CCDC69: variants seen among roughly 807,000 people sequenced by gnomAD.
The protein encoded by CCDC69 is coiled-coil domain containing 69.
A neutral mutation model predicts 40.3 loss-of-function variants in CCDC69; 38 were observed. The observed-to-expected ratio is 0.94, with a 90% CI of 0.73 to 1.24. The LOEUF is 1.24. CCDC69 is among the 50% of genes most tolerant of loss of function. The probability of loss-of-function intolerance (pLI) is 0.00; values close to 1 mark genes in which losing one functional copy is unlikely to be tolerated. For missense variants in CCDC69, 389 were observed against 357.9 expected (o/e 1.09, Z -0.70); for synonymous variants, 141 against 138.9 (o/e 1.02, Z -0.11).
chr5:151,223,727 T>A (rs1753171111), intron 1 of CCDC69, among the ~76,000 whole-genome samples, 196 bp downstream of exon 1: 1 of 152,184 alleles, frequency 6.6e-6, no homozygotes, highest in Non-Finnish European at 1.5e-5. Flanking sequence ...TAAACTCGGC[T>A]GCTTGGTGCG....
At chr5:151,197,384 C>T (rs1300569228) in intron 4 of CCDC69, among the ~76,000 whole-genome samples, 1 of 152,044 alleles carries the variant, frequency 6.6e-6, no homozygotes, top group African/African-American at 2.4e-5. Context: ...TAAAAATTAG[C>T]TGGGCATGGT....
At chr5:151,191,099 A>T (rs1198728093) in intron 4 of CCDC69, among the ~76,000 whole-genome samples, 2 of 43,198 alleles carry the variant, frequency 4.6e-5, no homozygotes, top group Non-Finnish European at 6.2e-5. Context: ...GTTGAAATTA[A>T]AAAAAAAAAC....
chr5:151,187,304 G>T, intron 5 of CCDC69, 82 bp downstream of exon 5: 1 of 1,237,818 alleles, frequency 8.1e-7, no homozygotes. Context: ...AATCAGTTTT[G>T]GCTGCCTTGG....
chr5:151,201,661 T>A lies in CCDC69; in HGVS notation c.152A>T (p.Glu51Val). Reference sequence around the variant, plus strand: ...ATCCTTCTGGTGCCGCTCAGCCTCCTCTGATGCACAGAGCTGGACAGTTAT... The same window carrying A: ...ATCCTTCTGGTGCCGCTCAGCCTCCACTGATGCACAGAGCTGGACAGTTAT... ...TAITVQLCAS[E>V]EAERHQKDIT... The change falls in exon 3 of 9, where the codon GAG becomes GTG. Residue 51 changes from glutamate (E) to valine (V), a missense_variant. By Grantham distance (121) the Glu-to-Val change is moderately radical. Transcript: ENST00000355417. 1 of 1,613,240 alleles carries A rather than the reference T, an allele frequency of 6.2e-7. No homozygotes were observed. Among genetic ancestry groups the A allele is most frequent in the African/African-American group, 1.3e-5 (1 of 74,932 alleles).
chr5:151,198,959 C>T (rs1374015734), intron 4 of CCDC69, 38 bp downstream of exon 4: 2 of 1,535,974 alleles, frequency 1.3e-6, no homozygotes, highest in East Asian at 2.2e-5. Flanking sequence ...AGGAAGCACC[C>T]CCCACCACCT....
At chr5:151,211,271 G>C (rs1752943303) in intron 1 of CCDC69, 1 of 152,232 alleles carries the variant, frequency 6.6e-6, no homozygotes, top group Non-Finnish European at 1.5e-5. Context: ...CCATGTTCCA[G>C]GCACCCCTGA....
intron 3 of CCDC69, among the ~76,000 whole-genome samples, chr5:151,200,112 T>G (rs1752756104): frequency 6.6e-6 from 1 of 152,068 alleles, no homozygotes; most frequent in African/African-American, 2.4e-5. Context: ...CCATGTGATT[T>G]AATAGAGTGA....
rs773565942 is a variant in CCDC69, at chr5:151,201,563, T to TG, written c.231+18dup. ...AGCTGAGCAGGAGAAAGACAGGGGG[T>TG]GGGGGCACCTGGACTTACCTGTTGT... On this transcript the variant is annotated intron_variant, in intron 3 of 8. Transcript: ENST00000355417. 6.5e-7 allele frequency: 1 copy of TG among 1,530,506 alleles called. No homozygotes were observed. Among genetic ancestry groups the TG allele is most frequent in the African/African-American group, 1.4e-5 (1 of 73,060 alleles). The allele number at this position is 1,530,506 out of a possible 1,614,324, so 94.8% of individuals were successfully genotyped here.
chr5:151,191,097 TA>T (rs34459123), intron 4 of CCDC69, among the ~76,000 whole-genome samples: 70,163 of 148,142 alleles, frequency 0.47, 16,794 homozygotes, highest in Admixed American at 0.59. Flanking sequence ...AAGTTGAAAT[TA>T]AAAAAAAAAA....
intron 7 of CCDC69, 192 bp from the exon 8 acceptor site, chr5:151,184,633 A>G (rs1038308052): frequency 7.8e-6 from 4 of 514,322 alleles, no homozygotes; most frequent in Non-Finnish European, 1.4e-5. Flanking sequence ...GCTTTTTGCC[A>G]CAGGAGAATG....
At chr5:151,184,221 T>G in intron 8 of CCDC69, 123 bp downstream of exon 8, 1 of 703,056 alleles carries the variant, frequency 1.4e-6, no homozygotes, top group Middle Eastern at 4.2e-4. Flanking sequence ...AGGAGCCACA[T>G]TCCCTAAATA....
intron 4 of CCDC69, among the ~76,000 whole-genome samples, chr5:151,193,566 A>G (rs971840075): frequency 5.9e-5 from 9 of 151,902 alleles, no homozygotes; most frequent in Non-Finnish European, 1.5e-5. Flanking sequence ...GAGGGAAAAA[A>G]GAGGAAGAAA....
chr5:151,209,165 G>T (rs941816269), intron 1 of CCDC69, among the ~76,000 whole-genome samples: 1 of 152,232 alleles, frequency 6.6e-6, no homozygotes, highest in Non-Finnish European at 1.5e-5. Flanking sequence ...ACCTCTCCAT[G>T]CCTCGGATTT....
At chr5:151,217,783 G>A (rs1302476306) in intron 1 of CCDC69, among the ~76,000 whole-genome samples, 1 of 152,158 alleles carries the variant, frequency 6.6e-6, no homozygotes, top group African/African-American at 2.4e-5. Context: ...TTAACTCAAT[G>A]GCCCCTGCAA....
In CCDC69 at chr5:151,182,967, TC is replaced by T; in HGVS notation, c.*469del. ...AGTGACATAAGAGTCCTTTGACCAG[TC>T]CCCCCACCATTTTAATGCAGGGGTA... On this transcript the variant is annotated 3_prime_UTR_variant, in exon 9 of 9. Coordinates refer to ENST00000355417, the MANE Select transcript of CCDC69 (RefSeq NM_015621.3). 2.2e-6 allele frequency: 1 copy of T among 449,618 alleles called. No individual in the cohort carries two copies. Among genetic ancestry groups the T allele is most frequent in the Non-Finnish European group, 4.5e-6 (1 of 222,682 alleles). The allele number at this position is 449,618 out of a possible 1,614,324, so 27.9% of individuals were successfully genotyped here. A position where few individuals can be genotyped will look rare whatever the true frequency, so the allele number is the denominator to read the frequency against.
At chr5:151,186,529 G>A (rs113336447) in intron 5 of CCDC69, among the ~76,000 whole-genome samples, 2 of 151,998 alleles carry the variant, frequency 1.3e-5, no homozygotes, top group African/African-American at 2.4e-5. Flanking sequence ...TGCCTTTAAC[G>A]GCTCCCCATA....
At chr5:151,221,370 A>G (rs1753132000) in intron 1 of CCDC69, among the ~76,000 whole-genome samples, 1 of 152,192 alleles carries the variant, frequency 6.6e-6, no homozygotes, top group South Asian at 2.1e-4. Context: ...GGCCTTGGCC[A>G]TGAGTGGGTA....
At chr5:151,184,634 C>T (rs1258476216) in intron 7 of CCDC69, 193 bp from the exon 8 acceptor site, 12 of 509,142 alleles carry the variant, frequency 2.4e-5, no homozygotes, top group South Asian at 2.2e-4. Flanking sequence ...CTTTTTGCCA[C>T]AGGAGAATGG....
intron 2 of CCDC69, among the ~76,000 whole-genome samples, chr5:151,203,368 G>A (rs993057229): frequency 3.3e-5 from 5 of 151,466 alleles, no homozygotes; most frequent in Non-Finnish European, 7.4e-5. Context: ...AATTTAGGTG[G>A]GCATGGTGGC....
Sources: allele counts gnomAD v4.1 joint callset (sites outside exome capture counted in the v4.1 genomes callset), GRCh38; gene constraint gnomAD v4.1.1; transcripts MANE v1.5; gene names NCBI Gene and HGNC (gene_info 2026-07-23, HGNC 2026-07-21).